The following NFKB2 variants were observed in gnomAD, a reference collection of about 807,000 sequenced individuals.
NFKB2 encodes nuclear factor NF-kappa-B p100 subunit.
NFKB2 carries 21 observed loss-of-function variants against 109.3 expected under a neutral mutation model. The observed-to-expected ratio is 0.19, with a 90% CI of 0.14 to 0.28. The LOEUF is 0.28. Among genes scored for constraint, NFKB2 ranks in the 10% least tolerant of loss-of-function variants. NFKB2 has a pLI of 1.00. For synonymous variants in NFKB2, 478 were observed against 489.9 expected (o/e 0.98, Z 0.32); for missense variants, 806 against 1,185.3 (o/e 0.68, Z 4.70).
In NFKB2 at chr10:102,401,848, G is replaced by A. The variant is rs1339125211; in HGVS notation, c.2397G>A (p.Gly799=). The change falls in exon 21 of 23, where the codon GGG becomes GGA. Residue 799 remains glycine, a synonymous_variant. Coordinates refer to ENST00000661543, the MANE Select transcript of NFKB2 (RefSeq NM_001322934.2). This position sits in a 1 kb window ranked among gnomAD's most constrained non-coding sequence, Gnocchi z 4.2. ...GSWAELAERL[G]LRSLVDTYRQ... ...GGGCAGAGCTGGCAGAGCGTCTGGG[G>A]CTGCGCAGCCTGGTAGACACGTACC... is the stretch of plus-strand genomic sequence containing the variant. The A allele has an allele frequency of 6.2e-7, 1 of 1,613,998 alleles. No individual in the cohort carries two copies. Among genetic ancestry groups the A allele is most frequent in the Admixed American group, 1.7e-5 (1 of 59,998 alleles).
chr10:102,396,423 G>A lies in NFKB2; in HGVS notation c.104-26G>A, dbSNP rs2061115759. The A allele has an allele frequency of 1.2e-6, 2 of 1,614,124 alleles. No individual in the cohort carries two copies. Among genetic ancestry groups the A allele is most frequent in the East Asian group, 2.2e-5 (1 of 44,886 alleles). On this transcript the variant is annotated intron_variant, in intron 3 of 22. Transcript: ENST00000661543. The surrounding 1 kb of genome is among the most constrained non-coding windows in gnomAD (Gnocchi z 5.9). ...CTGGGGGAGGGGCTGGGAGATCGTG[G>A]CTCAGCAAGGTCTCTCTGTCCCCAG...
In NFKB2 at chr10:102,401,909, A is replaced by G. The variant is rs573048246; in HGVS notation, c.2458A>G (p.Ser820Gly). 5.7e-5 allele frequency: 92 copies of G among 1,611,222 alleles called. 1 individual carries two copies. Among genetic ancestry groups the G allele is most frequent in the Non-Finnish European group, 3.4e-6 (4 of 1,178,434 alleles). The change falls in exon 21 of 23, where the codon AGC becomes GGC. Residue 820 changes from serine (S) to glycine (G), a missense_variant. Ser to Gly is a moderately conservative substitution (Grantham distance 56). This residue lies in a region of NFKB2 where 211 missense variants were observed against 268.7 expected (regional missense o/e 0.79). Transcript: ENST00000661543. The surrounding 1 kb of genome is among the most constrained non-coding windows in gnomAD (Gnocchi z 4.2). ...CTCACCCAGTGGCAGCCTCCTGCGC[A>G]GCTACGAGGTGGGTTGGCCTGTGCC... Reference protein sequence around the residue: ...TTSPSGSLLRSYELAGGDLAG... With the variant: ...TTSPSGSLLRGYELAGGDLAG...
chr10:102,401,083 T>TG lies in NFKB2; in HGVS notation c.2071+40dup, dbSNP rs764940630. On this transcript the variant is annotated intron_variant, in intron 18 of 22. Transcript: ENST00000661543. The surrounding 1 kb of genome is among the most constrained non-coding windows in gnomAD (Gnocchi z 4.2). ...CACCCTCAGGGGCACTTGAACAGGG[T>TG]GGGGGGAAGGGAGAGAGGTGCCTCC... 1.2e-6 allele frequency: 2 copies of TG among 1,613,578 alleles called. No individual in the cohort carries two copies.
intron 22 of NFKB2, 38 bp from the exon 23 acceptor site, chr10:102,402,214 G>A (rs1220757580): frequency 6.4e-7 from 1 of 1,551,928 alleles, no homozygotes; most frequent in Non-Finnish European, 8.7e-7. Context: ...GAGGCCTGAG[G>A]CTTTGACTAT....
chr10:102,399,486 T>C lies in NFKB2; in HGVS notation c.1316T>C (p.Met439Thr). ...CAGTGCGAGCCGCAGGCCCCGGAGA[T>C]GCTGCAGCGAGGTATGGACTCCGGG... ...TPQCEPQAPEMLQRAREYNAR... is the reference protein window; with the variant it reads ...TPQCEPQAPETLQRAREYNAR... The change falls in exon 13 of 23, where the codon ATG (methionine) becomes ACG (threonine). Residue 439 changes from methionine (M) to threonine (T), a missense_variant. Met to Thr is a moderately conservative substitution (Grantham distance 81). This residue lies in a region of NFKB2 where 209 missense variants were observed against 211.9 expected (regional missense o/e 0.99). Transcript: ENST00000661543. The C allele has an allele frequency of 6.7e-7, 1 of 1,496,774 alleles. No homozygotes were observed. The highest frequency in any genetic ancestry group is 1.4e-5 in the African/African-American group (1 of 69,692). 92.7% of individuals were successfully genotyped at this position (1,496,774 alleles called of 1,614,324 possible). A position where few individuals can be genotyped will look rare whatever the true frequency, so the allele number is the denominator to read the frequency against.
upstream of NFKB2, among the ~76,000 whole-genome samples, chr10:102,394,973 G>T (rs2061074580): frequency 6.6e-6 from 1 of 151,758 alleles, no homozygotes; most frequent in Non-Finnish European, 1.5e-5. Flanking sequence ...AGAAGCTCGG[G>T]ATTCACCTAT....
rs916599971 is a variant in NFKB2 at position 102,400,163 on chromosome 10, G to T, written c.1553G>T (p.Gly518Val). Residue 518 changes from glycine to valine, a missense_variant, in exon 15 of 23, where the codon GGC becomes GTC. Physicochemically the swap from Gly to Val is moderately radical, Grantham distance 109 (BLOSUM62 -3). Around this residue, in one of 10 missense-constraint regions of NFKB2, gnomAD observed 163 missense variants for 207.1 expected, o/e 0.79. Transcript: ENST00000661543. This position sits in a 1 kb window ranked among gnomAD's most constrained non-coding sequence, Gnocchi z 6.3. ...GTCATCCACCACGCCCAGGACCTCG[G>T]CGTTGTCAACCTCACCAACCACCTG... ...VYVIHHAQDL[G>V]VVNLTNHLHQ... 1.2e-6 allele frequency: 2 copies of T among 1,614,182 alleles called. No individual in the cohort carries two copies. The highest frequency in any genetic ancestry group is 1.7e-6 in the Non-Finnish European group (2 of 1,180,018).
chr10:102,396,055 T>G lies in NFKB2; in HGVS notation c.21+75T>G, dbSNP rs1275575292. 1 of 1,590,914 alleles carries G rather than the reference T, an allele frequency of 6.3e-7. No individual in the cohort carries two copies. Among genetic ancestry groups the G allele is most frequent in the African/African-American group, 1.3e-5 (1 of 74,504 alleles). The stretch of plus-strand genomic sequence containing the variant: ...TCCACCTGTCTGCCCGAGCCCCCTC[T>G]GCTGCCTTACACCTGTATGCTCGCA... On this transcript the variant is annotated intron_variant, in intron 2 of 22. Coordinates refer to ENST00000661543, the MANE Select transcript of NFKB2 (RefSeq NM_001322934.2). The surrounding 1 kb of genome is among the most constrained non-coding windows in gnomAD (Gnocchi z 5.9).
chr10:102,396,062 T>A lies in NFKB2; in HGVS notation c.21+82T>A. ...GTCTGCCCGAGCCCCCTCTGCTGCC[T>A]TACACCTGTATGCTCGCAGATGCTC... On this transcript the variant is annotated intron_variant, in intron 2 of 22. Coordinates refer to ENST00000661543, the MANE Select transcript of NFKB2 (RefSeq NM_001322934.2). The surrounding 1 kb of genome is among the most constrained non-coding windows in gnomAD (Gnocchi z 5.9). 6.3e-7 allele frequency: 1 copy of A among 1,575,168 alleles called. No homozygotes were observed. Among genetic ancestry groups the A allele is most frequent in the Non-Finnish European group, 8.7e-7 (1 of 1,149,216 alleles).
rs751586725 is a variant in NFKB2 at position 102,399,629 on chromosome 10, C to T, written c.1380C>T (p.Ala460=). Residue 460 remains alanine, a synonymous_variant, in exon 14 of 23, where the codon GCC becomes GCT. Transcript: ENST00000661543. ...GCCTGGCGCAGCGCAGCGCCCGAGC[C>T]CTACTCGACTACGGCGTCACCGCGG... The part of the protein sequence containing the change: ...LFGLAQRSAR[A]LLDYGVTADA... The T allele has an allele frequency of 1.3e-6, 2 of 1,544,382 alleles. No homozygotes were observed. The highest frequency in any genetic ancestry group is 2.0e-5 in the Admixed American group (1 of 50,350).
At chr10:102,399,837 C>G (rs1347539660) in intron 14 of NFKB2, 119 bp downstream of exon 14, 1 of 1,386,442 alleles carries the variant, frequency 7.2e-7, no homozygotes, top group Non-Finnish European at 9.5e-7. Flanking sequence ...TCGGTGTTCA[C>G]AAGCTCTGTT....
rs746255458 is a variant in NFKB2 at position 102,398,837 on chromosome 10, G to A, written c.1090G>A (p.Ala364Thr). The change falls in exon 12 of 23, where the codon GCC (alanine) becomes ACC (threonine). Residue 364 changes from alanine to threonine, a missense_variant. Around this residue, in one of 10 missense-constraint regions of NFKB2, gnomAD observed 209 missense variants for 211.9 expected, o/e 0.99. Coordinates refer to ENST00000661543, the MANE Select transcript of NFKB2 (RefSeq NM_001322934.2). The surrounding 1 kb of genome is among the most constrained non-coding windows in gnomAD (Gnocchi z 6.6). ...SHMGGGSGGA[A>T]GGYGGAGGGG... ...CATGGGTGGAGGCTCTGGGGGTGCA[G>A]CCGGGGGCTACGGAGGAGCTGGAGG... The A allele has an allele frequency of 5.6e-6, 9 of 1,604,342 alleles. No individual in the cohort carries two copies. Among genetic ancestry groups the A allele is most frequent in the Non-Finnish European group, 6.0e-6 (7 of 1,175,530 alleles).
chr10:102,396,411 TG>T lies in NFKB2; in HGVS notation c.104-35del, dbSNP rs767918671. 1.9e-6 allele frequency: 3 copies of T among 1,614,066 alleles called. No homozygotes were observed. Among genetic ancestry groups the T allele is most frequent in the Non-Finnish European group, 2.5e-6 (3 of 1,179,994 alleles). ...TGTGCCCTCTCTCTGGGGGAGGGGC[TG>T]GGAGATCGTGGCTCAGCAAGGTCTC... On this transcript the variant is annotated intron_variant, in intron 3 of 22. Coordinates refer to ENST00000661543, the MANE Select transcript of NFKB2 (RefSeq NM_001322934.2). The surrounding 1 kb of genome is among the most constrained non-coding windows in gnomAD (Gnocchi z 5.9).
chr10:102,401,147 C>A lies in NFKB2; in HGVS notation c.2072-33C>A, dbSNP rs372500999. The A allele has an allele frequency of 2.5e-6, 4 of 1,595,440 alleles. No individual in the cohort carries two copies. The highest frequency in any genetic ancestry group is 1.3e-5 in the African/African-American group (1 of 74,536). The stretch of plus-strand genomic sequence containing the variant: ...TTGCAGTCCTTAATGTAGGCCCCCA[C>A]CATACCGCCCCATGACGGCCTCCCT... On this transcript the variant is annotated intron_variant, in intron 18 of 22. Transcript: ENST00000661543. This position sits in a 1 kb window ranked among gnomAD's most constrained non-coding sequence, Gnocchi z 4.2.
rs896927010 is a variant in NFKB2 at position 102,399,515 on chromosome 10, C to T, written c.1327+18C>T. ...GCAGCGAGGTATGGACTCCGGGGCACGGGCGGTCGGGGCGCCGGGGCTGAG... is the reference window on the plus strand; with the variant it reads ...GCAGCGAGGTATGGACTCCGGGGCATGGGCGGTCGGGGCGCCGGGGCTGAG... On this transcript the variant is annotated intron_variant, in intron 13 of 22. Transcript: ENST00000661543. 27 of 1,498,910 alleles carry T rather than the reference C, an allele frequency of 1.8e-5. No individual in the cohort carries two copies. The highest frequency in any genetic ancestry group is 2.6e-5 in the East Asian group (1 of 38,652). 92.9% of individuals were successfully genotyped at this position (1,498,910 alleles called of 1,614,324 possible).
Position 102,396,215 on chromosome 10 carries a change from G to C in NFKB2, c.22-38G>C, listed in dbSNP as rs1298727855. ...GGGAGGTGGGGCTGTGGGGGGTGCT[G>C]AGAGTCGGATGCCACCCCCAGTCTG... On this transcript the variant is annotated intron_variant, in intron 2 of 22. Coordinates refer to ENST00000661543, the MANE Select transcript of NFKB2 (RefSeq NM_001322934.2). The surrounding 1 kb of genome is among the most constrained non-coding windows in gnomAD (Gnocchi z 5.9). The C allele has an allele frequency of 1.3e-6, 2 of 1,583,264 alleles. No homozygotes were observed. Among genetic ancestry groups the C allele is most frequent in the Admixed American group, 3.4e-5 (2 of 59,232 alleles).
At position 102,401,560 on chromosome 10, in the gene NFKB2, C is replaced by T. The variant is rs1451573550; in HGVS notation, c.2293+42C>T. 1 of 1,596,398 alleles carries T rather than the reference C, an allele frequency of 6.3e-7. No homozygotes were observed. Among genetic ancestry groups the T allele is most frequent in the East Asian group, 2.2e-5 (1 of 44,828 alleles). On this transcript the variant is annotated intron_variant, in intron 20 of 22. Coordinates refer to ENST00000661543, the MANE Select transcript of NFKB2 (RefSeq NM_001322934.2). The surrounding 1 kb of genome is among the most constrained non-coding windows in gnomAD (Gnocchi z 4.2). The stretch of plus-strand genomic sequence containing the variant: ...ATCCCCAGCCCGACTCCTCTGACTC[C>T]TCACAGAGGTCTCTTCTCCTTCAGG...
chr10:102,401,272 A>G lies in NFKB2; in HGVS notation c.2164A>G (p.Lys722Glu). The change falls in exon 19 of 23, where the codon AAG becomes GAG. Residue 722 changes from lysine to glutamate, a missense_variant. Transcript: ENST00000661543. The surrounding 1 kb of genome is among the most constrained non-coding windows in gnomAD (Gnocchi z 4.2). ...DSDSDSEGPE[K>E]DTRSSFRGHT... ...CGACTCGGACTCTGAAGGGCCTGAG[A>G]AGGACACCCGAAGCAGCTTCCGGGG... is the stretch of plus-strand genomic sequence containing the variant. 6.2e-7 allele frequency: 1 copy of G among 1,612,078 alleles called. No individual in the cohort carries two copies. The highest frequency in any genetic ancestry group is 1.1e-5 in the South Asian group (1 of 90,794).
chr10:102,400,676 C>T lies in NFKB2; in HGVS notation c.1820C>T (p.Ala607Val), dbSNP rs1429441414. 6.2e-7 allele frequency: 1 copy of T among 1,613,920 alleles called. No individual in the cohort carries two copies. The highest frequency in any genetic ancestry group is 8.5e-7 in the Non-Finnish European group (1 of 1,179,920). Residue 607 changes from alanine to valine, a missense_variant, in exon 17 of 23, where the codon GCA (alanine) becomes GTA (valine). By Grantham distance (64) the Ala-to-Val change is moderately conservative. Around this residue, in one of 10 missense-constraint regions of NFKB2, gnomAD observed 163 missense variants for 207.1 expected, o/e 0.79. Coordinates refer to ENST00000661543, the MANE Select transcript of NFKB2 (RefSeq NM_001322934.2). This position sits in a 1 kb window ranked among gnomAD's most constrained non-coding sequence, Gnocchi z 6.3. ...DFEGLYPVHL[A>V]VRARSPECLD... ...TTAGGACTGTATCCAGTACACCTGG[C>T]AGTCCGAGCCCGAAGCCCTGAGTGC...
Sources: allele counts gnomAD v4.1 joint callset (sites outside exome capture counted in the v4.1 genomes callset), GRCh38; gene constraint gnomAD v4.1.1; regional missense constraint gnomAD v4.1.1; non-coding constraint Gnocchi (gnomAD v3.1); transcripts MANE v1.5; gene names NCBI Gene and HGNC (gene_info 2026-07-23, HGNC 2026-07-21).